CDC42BPB: variants seen among roughly 807,000 people sequenced by gnomAD.
CDC42BPB encodes the protein serine/threonine-protein kinase MRCK beta.
A neutral mutation model predicts 214.9 loss-of-function variants in CDC42BPB; 37 were observed. The ratio of observed to expected loss-of-function variants is 0.17; its 90% CI spans 0.13 to 0.23. The LOEUF is 0.23. Ranked by LOEUF, CDC42BPB falls within the 10% of genes least tolerant of loss-of-function variation. The pLI is 1.00. For missense variants in CDC42BPB, 1,694 were observed against 2,227.0 expected, an observed-to-expected ratio of 0.76 and a Z score of 4.82; for synonymous variants, 931 against 884.0, an observed-to-expected ratio of 1.05 and a Z score of -0.94.
At chr14:103,049,118 T>C (rs1409121502) in intron 1 of CDC42BPB, among the ~76,000 whole-genome samples, 2 of 152,208 alleles carry the variant, frequency 1.3e-5, no homozygotes, top group Non-Finnish European at 2.9e-5. Context: ...AGGGACAATG[T>C]AGAACAGTTC....
rs1016320330 is a variant in CDC42BPB, at chr14:102,983,568, G to T, written c.879C>A (p.Ile293=). 2 of 1,602,594 alleles carry T rather than the reference G, an allele frequency of 1.2e-6. No individual in the cohort carries two copies. The highest frequency in any genetic ancestry group is 1.1e-5 in the South Asian group (1 of 90,950). The change falls in exon 7 of 37, where the codon ATC becomes ATA. Residue 293 remains isoleucine, a synonymous_variant. Coordinates refer to ENST00000361246, the MANE Select transcript of CDC42BPB (RefSeq NM_006035.4). Reference sequence around the variant, plus strand: ...TGCAACGTCTTACTTCATGGTTCATGATCTTCCCATAGGTCTCCACGAGTG... The same window carrying T: ...TGCAACGTCTTACTTCATGGTTCATTATCTTCCCATAGGTCTCCACGAGTG... ...AESLVETYGK[I]MNHEERFQFP... is the part of the protein sequence containing the mutation.
chr14:102,994,502 C>A (rs1279755983), intron 5 of CDC42BPB, among the ~76,000 whole-genome samples: 1 of 152,198 alleles, frequency 6.6e-6, no homozygotes, highest in Non-Finnish European at 1.5e-5. Flanking sequence ...GATGCCCAGG[C>A]CAACTGAGAG....
intron 1 of CDC42BPB, among the ~76,000 whole-genome samples, chr14:103,035,381 TTAAAATTTCACTCTC>T (rs2139722952): frequency 6.6e-6 from 1 of 152,194 alleles, no homozygotes; most frequent in South Asian, 2.1e-4. Context: ...AATGCATACT[TTAAAATTTCACTCTC>T]TAAAATATTT....
chr14:102,993,304 C>CG (rs1338584929), intron 5 of CDC42BPB, among the ~76,000 whole-genome samples: 1 of 152,144 alleles, frequency 6.6e-6, no homozygotes, highest in Non-Finnish European at 1.5e-5. Context: ...GGAAGAAAGG[C>CG]AGGTATCTGC....
intron 1 of CDC42BPB, among the ~76,000 whole-genome samples, chr14:103,016,544 A>C: frequency 1.3e-5 from 2 of 149,412 alleles, no homozygotes; most frequent in East Asian, 2.0e-4. Flanking sequence ...AGGGGAGGGA[A>C]CCAGGTGAGG....
At chr14:102,996,940 T>C (rs1894766591) in intron 5 of CDC42BPB, among the ~76,000 whole-genome samples, 1 of 152,160 alleles carries the variant, frequency 6.6e-6, no homozygotes, top group Non-Finnish European at 1.5e-5. Context: ...TGAGTGTCTG[T>C]TCTATCGGGA....
chr14:102,946,315 A>ATG (rs372007715), intron 28 of CDC42BPB, among the ~76,000 whole-genome samples, 153 bp downstream of exon 28: 61,855 of 151,452 alleles, frequency 0.41, 14,042 homozygotes, highest in African/African-American at 0.61. Context: ...GAGCCACCGC[A>ATG]CCCGGCCTCG....
At chr14:102,998,065 C>CTA (rs1308219420) in intron 5 of CDC42BPB, among the ~76,000 whole-genome samples, 1 of 152,088 alleles carries the variant, frequency 6.6e-6, no homozygotes, top group Non-Finnish European at 1.5e-5. Flanking sequence ...GAGGCAGAGG[C>CTA]TATAGTGAGT....
Position 103,029,606 on chromosome 14 carries a change from C to T in CDC42BPB, c.176-17418G>A, listed in dbSNP as rs566792405. 4.6e-5 allele frequency among the ~76,000 whole-genome samples: 7 copies of T among 151,214 alleles called. No homozygotes were observed. The East Asian group carries it at 1.4e-3, about 29-fold the overall frequency. On this transcript the variant is annotated intron_variant, in intron 1 of 36. Coordinates refer to ENST00000361246, the MANE Select transcript of CDC42BPB (RefSeq NM_006035.4). ...GCGTGGTGGCTCATGCCTGTAATCC[C>T]AGCACTTTGGGAGGCTGACATGGGC...
chr14:102,939,877 C>A lies in CDC42BPB; in HGVS notation c.4662G>T (p.Arg1554Ser), dbSNP rs1335094844. Reference sequence around the variant, plus strand: ...CCTCTGGGACCTTGAAGACGAACCGCCTTTTGCTCCTGGTGCGCAGCATCT... The same window carrying A: ...CCTCTGGGACCTTGAAGACGAACCGACTTTTGCTCCTGGTGCGCAGCATCT... ...KKQMLRTRSKRRFVFKVPEEE... is the reference protein window; with the variant it reads ...KKQMLRTRSKSRFVFKVPEEE... Residue 1554 changes from arginine (R) to serine (S), a missense_variant, in exon 33 of 37, where the codon AGG becomes AGT. By Grantham distance (110) the Arg-to-Ser change is moderately radical (BLOSUM62 -1). Around this residue, in one of 7 missense-constraint regions of CDC42BPB, gnomAD observed 567 missense variants for 790.3 expected, o/e 0.72. Transcript: ENST00000361246. 1 of 1,613,954 alleles carries A rather than the reference C, an allele frequency of 6.2e-7. No individual in the cohort carries two copies. Among genetic ancestry groups the A allele is most frequent in the Admixed American group, 1.7e-5 (1 of 60,010 alleles).
intron 36 of CDC42BPB, chr14:102,934,156 G>C: frequency 2.1e-6 from 1 of 474,068 alleles, no homozygotes; most frequent in Middle Eastern, 7.6e-4. Context: ...CAGCACTTTG[G>C]GAGGCCAAGG....
At chr14:103,044,731 G>T (rs1888198217) in intron 1 of CDC42BPB, among the ~76,000 whole-genome samples, 1 of 150,312 alleles carries the variant, frequency 6.7e-6, no homozygotes, top group Non-Finnish European at 1.5e-5. Flanking sequence ...AGCTGGTCTT[G>T]AACTCCTGGG....
In CDC42BPB at chr14:102,971,906, T is replaced by C; in HGVS notation, c.1884+13A>G. The C allele has an allele frequency of 6.2e-7, 1 of 1,613,270 alleles. No individual in the cohort carries two copies. The highest frequency in any genetic ancestry group is 1.6e-4 in the Middle Eastern group (1 of 6,062). Reference sequence around the variant, plus strand: ...TCCAGTCGATACCATCCCTGAACCATCTCCACAGCTACCTCTTTCCTGAGC... The same window carrying C: ...TCCAGTCGATACCATCCCTGAACCACCTCCACAGCTACCTCTTTCCTGAGC... On this transcript the variant is annotated intron_variant, in intron 13 of 36. Coordinates refer to ENST00000361246, the MANE Select transcript of CDC42BPB (RefSeq NM_006035.4).
intron 1 of CDC42BPB, among the ~76,000 whole-genome samples, chr14:103,036,729 A>T (rs1595176557): frequency 1.3e-5 from 2 of 152,384 alleles, no homozygotes; most frequent in East Asian, 1.9e-4. Flanking sequence ...CAATACAGAC[A>T]ATAAAAAATA....
At chr14:102,942,653 T>G (rs1488481876) in intron 30 of CDC42BPB, among the ~76,000 whole-genome samples, 1 of 152,098 alleles carries the variant, frequency 6.6e-6, no homozygotes, top group African/African-American at 2.4e-5. Context: ...CAAGCAATCC[T>G]CCTGTCTCAG....
intron 1 of CDC42BPB, among the ~76,000 whole-genome samples, chr14:103,039,519 G>A (rs546355711): frequency 6.6e-6 from 1 of 152,008 alleles, no homozygotes; most frequent in African/African-American, 2.4e-5. Context: ...AGAAGAAAAC[G>A]AGCCACACAA....
intron 2 of CDC42BPB, among the ~76,000 whole-genome samples, chr14:103,011,648 G>A (rs1281244960): frequency 2.6e-5 from 4 of 152,242 alleles, no homozygotes; most frequent in South Asian, 2.1e-4. Context: ...GAAGGCTGAG[G>A]CATGAGGATA....
At chr14:102,979,056 G>T (rs1429460798) in intron 8 of CDC42BPB, among the ~76,000 whole-genome samples, 1 of 152,120 alleles carries the variant, frequency 6.6e-6, no homozygotes, top group East Asian at 1.9e-4. Context: ...TTTCAGTGTG[G>T]AAGGAGTTGG....
intron 4 of CDC42BPB, among the ~76,000 whole-genome samples, chr14:103,003,327 C>T (rs1382767113): frequency 1.3e-5 from 2 of 152,260 alleles, no homozygotes; most frequent in East Asian, 1.9e-4. Flanking sequence ...TCCCCTTCAC[C>T]GCCAAGTCAG....
Sources: allele counts gnomAD v4.1 joint callset (sites outside exome capture counted in the v4.1 genomes callset), GRCh38; gene constraint gnomAD v4.1.1; regional missense constraint gnomAD v4.1.1; transcripts MANE v1.5; gene names NCBI Gene and HGNC (gene_info 2026-07-23, HGNC 2026-07-21).